The following ADAM17 variants were observed in gnomAD, a reference collection of about 807,000 sequenced individuals.
ADAM17 encodes ADAM metallopeptidase domain 17, also known as disintegrin and metalloproteinase domain-containing protein 17.
ADAM17 carries 39 observed loss-of-function variants against 96.7 expected under a neutral mutation model. The ratio of observed to expected loss-of-function variants is 0.40; its 90% CI spans 0.31 to 0.53. The LOEUF is 0.53. Ranked by LOEUF, ADAM17 falls within the 20% of genes least tolerant of loss-of-function variation. The pLI is 0.44. For missense variants in ADAM17, 777 were observed against 1,013.2 expected, an observed-to-expected ratio of 0.77 and a Z score of 3.17; for synonymous variants, 344 against 359.2, an observed-to-expected ratio of 0.96 and a Z score of 0.48.
intron 7 of ADAM17, chr2:9,522,280 A>G (rs1664346389): frequency 2.2e-6 from 1 of 444,990 alleles, no homozygotes; most frequent in African/African-American, 2.0e-5. Context: ...AGACATATAC[A>G]TACACTATAC....
intron 2 of ADAM17, among the ~76,000 whole-genome samples, chr2:9,541,141 G>A (rs1468865462): frequency 6.6e-6 from 1 of 152,172 alleles, no homozygotes; most frequent in African/African-American, 2.4e-5. Context: ...TCCATCTGTA[G>A]TGTATTAGTC....
At chr2:9,520,581 C>A (rs1664264788) in intron 8 of ADAM17, among the ~76,000 whole-genome samples, 1 of 152,090 alleles carries the variant, frequency 6.6e-6, no homozygotes, top group Admixed American at 6.6e-5. Context: ...AAACAGTGTG[C>A]AAAAACTCTA....
At chr2:9,537,425 G>T (rs1664999194) in intron 2 of ADAM17, among the ~76,000 whole-genome samples, 1 of 152,154 alleles carries the variant, frequency 6.6e-6, no homozygotes, top group East Asian at 1.9e-4. Flanking sequence ...AATAAATGCT[G>T]CTTTCTATAT....
chr2:9,546,153 T>C (rs1004547219), intron 1 of ADAM17, among the ~76,000 whole-genome samples: 4 of 151,318 alleles, frequency 2.6e-5, no homozygotes, highest in East Asian at 1.9e-4. Flanking sequence ...ATGTTAAATA[T>C]AGATTTCAGA....
At position 9,489,743 on chromosome 2, in the gene ADAM17, A is replaced by AAAC. The variant is rs937048191; in HGVS notation, c.*433_*434insGTT. On this transcript the variant is annotated 3_prime_UTR_variant, in exon 19 of 19. Transcript: ENST00000310823. ...TTGAAGGCAAAAAAAAAAAAAAAAA[A>AAAC]AAAAAACTATTCCAGTTGTCATCAC... 2.0e-5 allele frequency: 3 copies of AAAC among 152,246 alleles called. No homozygotes were observed. The highest frequency in any genetic ancestry group is 7.3e-5 in the African/African-American group (3 of 41,252). 9.4% of individuals were successfully genotyped at this position (152,246 alleles called of 1,614,324 possible). A position where few individuals can be genotyped will look rare whatever the true frequency, so the allele number is the denominator to read the frequency against.
In ADAM17 at chr2:9,528,443, T is replaced by C. The variant is rs1166981384; in HGVS notation, c.451-489A>G. On this transcript the variant is annotated intron_variant, in intron 4 of 18. Transcript: ENST00000310823. ...TTTTATCCACACAAAAGAACAAACA[T>C]ATTTATATGAAAGAAAACTCAGAAC... is the stretch of plus-strand genomic sequence containing the variant. Among the ~76,000 whole-genome samples the C allele has an allele frequency of 3.9e-5, 6 of 152,298 alleles. No individual in the cohort carries two copies. The South Asian group carries it at 6.2e-4, about 16-fold the overall frequency.
In ADAM17 at chr2:9,518,532, G is replaced by A. The variant is rs559101179; in HGVS notation, c.958-285C>T. Among the ~76,000 whole-genome samples the A allele has an allele frequency of 1.9e-4, 29 of 152,236 alleles. No individual in the cohort carries two copies. In the South Asian group the frequency reaches 5.6e-3, roughly 29 times the overall value. On this transcript the variant is annotated intron_variant, in intron 8 of 18. Coordinates refer to ENST00000310823, the MANE Select transcript of ADAM17 (RefSeq NM_003183.6). Reference sequence around the variant, plus strand: ...TTCAGAACTAACTCACTGCTCCTCCGAGGGCTGTTCTGAAGACATACAGCC... The same window carrying A: ...TTCAGAACTAACTCACTGCTCCTCCAAGGGCTGTTCTGAAGACATACAGCC...
At chr2:9,506,378 T>G (rs1351725908) in intron 11 of ADAM17, among the ~76,000 whole-genome samples, 1 of 146,392 alleles carries the variant, frequency 6.8e-6, no homozygotes, top group Admixed American at 6.8e-5. Flanking sequence ...TTTTTTTTTT[T>G]TTTTTTTTAG....
intron 12 of ADAM17, 147 bp downstream of exon 12, chr2:9,505,019 T>C: frequency 2.2e-6 from 2 of 890,382 alleles, no homozygotes; most frequent in Non-Finnish European, 3.4e-6. Context: ...AGCAATTTCT[T>C]GCTGTGAAGG....
chr2:9,506,408 C>G (rs1453815415), intron 11 of ADAM17, among the ~76,000 whole-genome samples: 1 of 141,082 alleles, frequency 7.1e-6, no homozygotes, highest in African/African-American at 2.7e-5. Flanking sequence ...TGCTCTGTCA[C>G]CAGGCTGGAC....
At chr2:9,534,377 GA>G (rs1352530336) in intron 4 of ADAM17, among the ~76,000 whole-genome samples, 4 of 150,428 alleles carry the variant, frequency 2.7e-5, no homozygotes, top group East Asian at 3.9e-4. Context: ...TCAAAAAAAA[GA>G]AAAAAAATTA....
Position 9,514,518 on chromosome 2 carries a change from A to AAT in ADAM17, c.1191+3381_1191+3382dup, listed in dbSNP as rs70948826. Among the ~76,000 whole-genome samples the AAT allele has an allele frequency of 8.0e-3, 711 of 89,224 alleles. 4 individuals are homozygous for AAT. Among genetic ancestry groups the AAT allele is most frequent in the Non-Finnish European group, 9.4e-3 (466 of 49,482 alleles). The allele number at this position is 89,224 out of a possible 152,430, so 58.5% of individuals were successfully genotyped here. ...TCCTAGAACTTAAATTTAAAATATA[A>AAT]ATATATATATATATATATATATATA... On this transcript the variant is annotated intron_variant, in intron 10 of 18. Coordinates refer to ENST00000310823, the MANE Select transcript of ADAM17 (RefSeq NM_003183.6).
At chr2:9,496,188 G>A (rs368960451) in intron 14 of ADAM17, 1 of 152,180 alleles carries the variant, frequency 6.6e-6, no homozygotes, top group African/African-American at 2.4e-5. Flanking sequence ...GAGTGTAGCG[G>A]CGCAATCTCA....
In ADAM17 at chr2:9,530,298, T is replaced by C. The variant is rs1199448174; in HGVS notation, c.451-2344A>G. On this transcript the variant is annotated intron_variant, in intron 4 of 18. Transcript: ENST00000310823. ...ATTGATTGTTTCCTAGTATAGTCAG[T>C]CCAGCACAGAAAAAGACAGCTGGCT... Among the ~76,000 whole-genome samples, 3 of 152,156 alleles carry C rather than the reference T, an allele frequency of 2.0e-5. No individual in the cohort carries two copies. The South Asian group carries it at 6.2e-4, about 31-fold the overall frequency.
intron 16 of ADAM17, 33 bp from the exon 17 acceptor site, chr2:9,493,019 C>T (rs1662289398): frequency 1.3e-6 from 2 of 1,530,154 alleles, no homozygotes; most frequent in Non-Finnish European, 1.8e-6. Context: ...AATGTCTTGA[C>T]CAAGTACTTC....
chr2:9,541,456 G>A (rs367678378), intron 2 of ADAM17, among the ~76,000 whole-genome samples: 2 of 152,198 alleles, frequency 1.3e-5, no homozygotes, highest in African/African-American at 2.4e-5. Context: ...CCAGCTACTC[G>A]GGAAGCTGAG....
At chr2:9,510,651 G>A (rs915018169) in intron 10 of ADAM17, among the ~76,000 whole-genome samples, 26 of 146,750 alleles carry the variant, frequency 1.8e-4, no homozygotes, top group Non-Finnish European at 3.1e-4. Context: ...GAGACAGGGC[G>A]AGACTTCGTC....
chr2:9,541,636 T>C (rs1321690134), intron 2 of ADAM17, among the ~76,000 whole-genome samples: 1 of 152,174 alleles, frequency 6.6e-6, no homozygotes, highest in Non-Finnish European at 1.5e-5. Context: ...CTGAGAAGTC[T>C]AACTGAGTTA....
chr2:9,548,276 G>A (rs1405530294), intron 1 of ADAM17, among the ~76,000 whole-genome samples: 1 of 152,052 alleles, frequency 6.6e-6, no homozygotes, highest in African/African-American at 2.4e-5. Context: ...AGGTGGCAGT[G>A]AGCCGAGATC....
Sources: allele counts gnomAD v4.1 joint callset (sites outside exome capture counted in the v4.1 genomes callset), GRCh38; gene constraint gnomAD v4.1.1; transcripts MANE v1.5; gene names NCBI Gene and HGNC (gene_info 2026-07-23, HGNC 2026-07-21).